Variants in DACH1 observed in about 807,000 individuals in gnomAD.
DACH1 encodes dachshund family transcription factor 1, also known as dachshund homolog 1.
Under a neutral mutation model 54.2 loss-of-function variants are expected in DACH1, and 12 were observed. The ratio of observed to expected loss-of-function variants is 0.22; its 90% confidence interval spans 0.14 to 0.36. DACH1 has a LOEUF of 0.36. DACH1 is among the 10% of genes least tolerant of loss of function. The probability of loss-of-function intolerance (pLI) is 1.00; values close to 1 mark genes in which losing one functional copy is unlikely to be tolerated. For synonymous variants in DACH1, 386 were observed against 366.2 expected, an observed-to-expected ratio of 1.05 and a Z score of -0.62; for missense variants, 805 against 929.8, an observed-to-expected ratio of 0.87 and a Z score of 1.75.
intron 1 of DACH1, among the ~76,000 whole-genome samples, chr13:71,863,491 G>T (rs1874489418): frequency 6.6e-6 from 1 of 152,086 alleles, no homozygotes; most frequent in South Asian, 2.1e-4. Flanking sequence ...AAATTATTAA[G>T]GCCAGGTGAC....
At chr13:71,465,346 T>G (rs1033132818) in intron 10 of DACH1, among the ~76,000 whole-genome samples, 7 of 152,184 alleles carry the variant, frequency 4.6e-5, no homozygotes, top group Admixed American at 1.3e-4. Flanking sequence ...TATTTTCAGA[T>G]CACTTTTATG....
intron 3 of DACH1, among the ~76,000 whole-genome samples, chr13:71,615,985 C>T (rs1012103711): frequency 6.6e-6 from 1 of 152,062 alleles, no homozygotes; most frequent in African/African-American, 2.4e-5. Flanking sequence ...AATTGTTATA[C>T]CTATTATACA....
intron 6 of DACH1, among the ~76,000 whole-genome samples, chr13:71,527,762 T>C (rs1188689004): frequency 2.0e-5 from 3 of 152,178 alleles, no homozygotes; most frequent in African/African-American, 7.2e-5. Flanking sequence ...GCTTTGCCAA[T>C]GATTTGAAAC....
At chr13:71,793,262 A>G (rs1318768682) in intron 1 of DACH1, among the ~76,000 whole-genome samples, 1 of 152,150 alleles carries the variant, frequency 6.6e-6, no homozygotes, top group Non-Finnish European at 1.5e-5. Flanking sequence ...TAGAACATGT[A>G]TTTACTGAAG....
At chr13:71,849,015 C>T (rs761808116) in intron 1 of DACH1, among the ~76,000 whole-genome samples, 1 of 152,116 alleles carries the variant, frequency 6.6e-6, no homozygotes, top group Non-Finnish European at 1.5e-5. Flanking sequence ...CTTCTTATGA[C>T]CCTACGGTGT....
intron 6 of DACH1, among the ~76,000 whole-genome samples, chr13:71,516,750 C>T (rs909836495): frequency 1.3e-5 from 2 of 151,816 alleles, no homozygotes; most frequent in African/African-American, 2.4e-5. Context: ...CTTGTAACAG[C>T]TGGTGTTACA....
intron 1 of DACH1, among the ~76,000 whole-genome samples, chr13:71,742,698 C>A (rs985171482): frequency 1.3e-5 from 2 of 151,784 alleles, no homozygotes; most frequent in Non-Finnish European, 2.9e-5. Flanking sequence ...AATATTTCAA[C>A]ATCATCTTCT....
intron 2 of DACH1, 55 bp from the exon 3 acceptor site, chr13:71,630,772 A>C: frequency 6.7e-7 from 1 of 1,500,638 alleles, no homozygotes; most frequent in South Asian, 1.4e-5. Flanking sequence ...TTCATTTAAT[A>C]GTTCCTGTAC....
chr13:71,750,136 C>A (rs1291197930), intron 1 of DACH1, among the ~76,000 whole-genome samples: 1 of 152,184 alleles, frequency 6.6e-6, no homozygotes, highest in African/African-American at 2.4e-5. Flanking sequence ...GGAACATCCT[C>A]CTTTCCCCTG....
chr13:71,520,628 A>G (rs1262212225), intron 6 of DACH1, among the ~76,000 whole-genome samples: 1 of 151,744 alleles, frequency 6.6e-6, no homozygotes, highest in Non-Finnish European at 1.5e-5. Flanking sequence ...TACACACAAA[A>G]AAACTATGTT....
At chr13:71,625,688 T>A (rs1466698548) in intron 3 of DACH1, among the ~76,000 whole-genome samples, 1 of 152,000 alleles carries the variant, frequency 6.6e-6, no homozygotes. Flanking sequence ...TTTGAGAAAA[T>A]GAAAAACAAT....
chr13:71,859,832 T>A (rs2138287326), intron 1 of DACH1, among the ~76,000 whole-genome samples: 1 of 151,934 alleles, frequency 6.6e-6, no homozygotes, highest in Non-Finnish European at 1.5e-5. Flanking sequence ...TATCAGCAAA[T>A]AAAAGTTAGT....
At chr13:71,816,555 T>C (rs1201323289) in intron 1 of DACH1, among the ~76,000 whole-genome samples, 5 of 147,760 alleles carry the variant, frequency 3.4e-5, no homozygotes, top group African/African-American at 1.0e-4. Context: ...ATGTGGTATA[T>C]ACATATATGT....
At chr13:71,774,112 A>G (rs1019619303) in intron 1 of DACH1, among the ~76,000 whole-genome samples, 2 of 152,120 alleles carry the variant, frequency 1.3e-5, no homozygotes, top group Non-Finnish European at 2.9e-5. Flanking sequence ...ATTGCCCTGA[A>G]GTGAAATTAT....
chr13:71,860,093 G>T (rs943706790), intron 1 of DACH1, among the ~76,000 whole-genome samples: 2 of 151,330 alleles, frequency 1.3e-5, no homozygotes, highest in African/African-American at 4.8e-5. Flanking sequence ...AATAGAGAAG[G>T]GTCTCCTTAA....
At chr13:71,695,744 TCA>T (rs1881796587) in intron 1 of DACH1, among the ~76,000 whole-genome samples, 1 of 152,210 alleles carries the variant, frequency 6.6e-6, no homozygotes, top group African/African-American at 2.4e-5. Flanking sequence ...TTTGAGATAA[TCA>T]CCAAGGCTTG....
intron 6 of DACH1, among the ~76,000 whole-genome samples, chr13:71,537,524 G>A (rs796723015): frequency 3.9e-5 from 6 of 152,164 alleles, no homozygotes; most frequent in African/African-American, 1.4e-4. Context: ...CTGGTCCTCA[G>A]ACCTCAATGA....
chr13:71,804,170 G>A (rs1448653653), intron 1 of DACH1, among the ~76,000 whole-genome samples: 2 of 152,016 alleles, frequency 1.3e-5, no homozygotes, highest in South Asian at 2.1e-4. Flanking sequence ...AATTTAAAAC[G>A]TAGCTGGCCG....
intron 10 of DACH1, among the ~76,000 whole-genome samples, chr13:71,449,124 G>A (rs1028633802): frequency 3.3e-5 from 5 of 152,162 alleles, no homozygotes; most frequent in Admixed American, 2.0e-4. Context: ...CAGATGGCCC[G>A]AGGTCAGGAG....
Sources: gnomAD v4.1 joint callset for allele counts (sites outside exome capture counted in the v4.1 genomes callset) on GRCh38, gnomAD v4.1.1 for gene constraint, MANE v1.5 for transcripts, NCBI Gene and HGNC (gene_info 2026-07-23, HGNC 2026-07-21) for gene names.